ST8SIA1: variants seen among roughly 807,000 people sequenced by gnomAD.
ST8SIA1 encodes the protein ST8 alpha-N-acetyl-neuraminide alpha-2,8-sialyltransferase 1.
In ST8SIA1, 16 loss-of-function variants were observed where a neutral mutation model predicts 35.9. The observed-to-expected ratio is 0.45, with a 90% CI of 0.30 to 0.68. ST8SIA1 has a LOEUF of 0.68. Among genes scored for constraint, ST8SIA1 ranks in the 30% least tolerant of loss-of-function variants. The pLI, the probability that ST8SIA1 is intolerant of heterozygous loss-of-function variation, is 0.09. For synonymous variants in ST8SIA1, 170 were observed against 169.6 expected (o/e 1.00, Z -0.02); for missense variants, 383 against 453.6 (o/e 0.84, Z 1.41).
chr12:22,207,354 G>A (rs1565566682), intron 4 of ST8SIA1, among the ~76,000 whole-genome samples: 1 of 152,192 alleles, frequency 6.6e-6, no homozygotes, highest in Non-Finnish European at 1.5e-5. Flanking sequence ...AAGTGTATAG[G>A]GTAGACAGCC....
At chr12:22,245,892 G>A (rs771591623) in intron 4 of ST8SIA1, among the ~76,000 whole-genome samples, 1 of 152,216 alleles carries the variant, frequency 6.6e-6, no homozygotes, top group Non-Finnish European at 1.5e-5. Flanking sequence ...ACAGGGCTTG[G>A]AGAGCTTCCA....
At chr12:22,278,653 C>T (rs948852257) in intron 2 of ST8SIA1, among the ~76,000 whole-genome samples, 4 of 152,184 alleles carry the variant, frequency 2.6e-5, no homozygotes, top group African/African-American at 9.7e-5. Flanking sequence ...TAACTGCAGA[C>T]ACCCCAGGTG....
chr12:22,239,699 T>C (rs958467618), intron 4 of ST8SIA1, among the ~76,000 whole-genome samples: 1 of 152,238 alleles, frequency 6.6e-6, no homozygotes, highest in Non-Finnish European at 1.5e-5. Context: ...ATGGCTTGTG[T>C]GCATTTTGAG....
intron 2 of ST8SIA1, among the ~76,000 whole-genome samples, chr12:22,264,785 T>C (rs962022543): frequency 4.6e-5 from 7 of 152,210 alleles, no homozygotes; most frequent in African/African-American, 1.7e-4. Context: ...TTCAATTATA[T>C]GAAAACAAAT....
At chr12:22,221,224 G>GA (rs1034938357) in intron 4 of ST8SIA1, among the ~76,000 whole-genome samples, 1 of 150,074 alleles carries the variant, frequency 6.7e-6, no homozygotes, top group Non-Finnish European at 1.5e-5. Flanking sequence ...CACCTGGAAA[G>GA]AAAAAAAATG....
At chr12:22,315,338 C>CA (rs1160660583) in intron 1 of ST8SIA1, among the ~76,000 whole-genome samples, 2 of 152,184 alleles carry the variant, frequency 1.3e-5, no homozygotes, top group East Asian at 3.9e-4. Context: ...GCTTCACTGA[C>CA]AGAGGACTTG....
chr12:22,217,812 A>C (rs1865250887), intron 4 of ST8SIA1, among the ~76,000 whole-genome samples: 1 of 152,200 alleles, frequency 6.6e-6, no homozygotes, highest in African/African-American at 2.4e-5. Flanking sequence ...TGAATCTTAA[A>C]AGAACCCTTC....
At chr12:22,321,028 AAGAAAG>A (rs1866592298) in intron 1 of ST8SIA1, among the ~76,000 whole-genome samples, 2 of 65,318 alleles carry the variant, frequency 3.1e-5, no homozygotes, top group African/African-American at 7.1e-5. Context: ...GAAAGAAAGA[AAGAAAG>A]AGAAAGAGAA....
intron 2 of ST8SIA1, among the ~76,000 whole-genome samples, chr12:22,278,733 T>C (rs1248074808): frequency 1.3e-5 from 2 of 152,106 alleles, no homozygotes; most frequent in Admixed American, 6.5e-5. Flanking sequence ...AGCAAAGAGT[T>C]AAAATTCTGA....
At chr12:22,285,871 C>CAAAAAAAAAAAAAAAAAAAAAAAA in intron 2 of ST8SIA1, among the ~76,000 whole-genome samples, 1 of 94,950 alleles carries the variant, frequency 1.1e-5, no homozygotes, top group Non-Finnish European at 2.0e-5. Flanking sequence ...AAGACTCTGT[C>CAAAAAAAAAAAAAAAAAAAAAAAA]AAAAACAAAA....
intron 1 of ST8SIA1, among the ~76,000 whole-genome samples, chr12:22,332,628 A>G (rs1034350876): frequency 2.0e-5 from 3 of 152,230 alleles, no homozygotes; most frequent in Admixed American, 1.3e-4. Flanking sequence ...TTTAAATTCA[A>G]TGATGGTAGA....
At chr12:22,219,046 T>C (rs2120657330) in intron 4 of ST8SIA1, among the ~76,000 whole-genome samples, 1 of 152,238 alleles carries the variant, frequency 6.6e-6, no homozygotes, top group African/African-American at 2.4e-5. Flanking sequence ...CTTTATTTTA[T>C]GACAAAGAAC....
intron 4 of ST8SIA1, among the ~76,000 whole-genome samples, chr12:22,245,025 T>G (rs1865584352): frequency 6.6e-6 from 1 of 152,176 alleles, no homozygotes; most frequent in African/African-American, 2.4e-5. Context: ...CAGAGCCACA[T>G]TGTCTTAATT....
chr12:22,227,757 A>G (rs562763372), intron 4 of ST8SIA1, among the ~76,000 whole-genome samples: 3 of 152,270 alleles, frequency 2.0e-5, no homozygotes, highest in African/African-American at 4.8e-5. Flanking sequence ...TAATCATTTG[A>G]GTATTTGTGC....
intron 1 of ST8SIA1, among the ~76,000 whole-genome samples, chr12:22,316,766 A>C (rs1240795711): frequency 1.3e-5 from 2 of 152,222 alleles, no homozygotes; most frequent in Non-Finnish European, 2.9e-5. Flanking sequence ...ATCAAAAAAG[A>C]AAAGATGAAC....
At chr12:22,213,481 C>G (rs529330048) in intron 4 of ST8SIA1, among the ~76,000 whole-genome samples, 1 of 152,202 alleles carries the variant, frequency 6.6e-6, no homozygotes, top group African/African-American at 2.4e-5. Flanking sequence ...TTAGGGCAGG[C>G]CTTTCAGATA....
intron 1 of ST8SIA1, among the ~76,000 whole-genome samples, chr12:22,309,777 A>G (rs1290972002): frequency 6.6e-6 from 1 of 152,176 alleles, no homozygotes; most frequent in East Asian, 1.9e-4. Context: ...GGCAGTAGAA[A>G]GGTAGGTCTG....
chr12:22,246,525 T>C (rs1278875677), intron 4 of ST8SIA1, among the ~76,000 whole-genome samples: 2 of 152,170 alleles, frequency 1.3e-5, no homozygotes, highest in Non-Finnish European at 2.9e-5. Context: ...AATGAGTTGA[T>C]TGAGGCCTTA....
chr12:22,253,322 T>TG (rs1865694138), intron 3 of ST8SIA1, among the ~76,000 whole-genome samples: 1 of 152,208 alleles, frequency 6.6e-6, no homozygotes, highest in Admixed American at 6.5e-5. Context: ...CAGGACTCCC[T>TG]GCTCTTCTCA....
Sources: gnomAD v4.1 joint callset for allele counts (sites outside exome capture counted in the v4.1 genomes callset) on GRCh38, gnomAD v4.1.1 for gene constraint, MANE v1.5 for transcripts, NCBI Gene and HGNC (gene_info 2026-07-23, HGNC 2026-07-21) for gene names.